RIN3: variants seen among roughly 807,000 people sequenced by gnomAD.
RIN3 encodes RAB5 interacting protein 3.
In RIN3, 54 loss-of-function variants were observed where a neutral mutation model predicts 76.3. That is an observed-to-expected ratio of 0.71 (90% CI 0.57 to 0.89). The LOEUF (loss-of-function observed/expected upper bound fraction) is 0.89. RIN3 is among the 40% of genes least tolerant of loss of function. The pLI is 0.00. For synonymous variants in RIN3, 576 were observed against 564.0 expected (o/e 1.02, Z -0.30); for missense variants, 1,256 against 1,322.1 (o/e 0.95, Z 0.78).
intron 4 of RIN3, among the ~76,000 whole-genome samples, chr14:92,624,147 A>G (rs1886273753): frequency 6.6e-6 from 1 of 152,096 alleles, no homozygotes; most frequent in Non-Finnish European, 1.5e-5. Context: ...GTTTCTTTGT[A>G]TCCTGTTTCA....
intron 3 of RIN3, among the ~76,000 whole-genome samples, chr14:92,580,056 C>T (rs1247375565): frequency 6.6e-6 from 1 of 152,254 alleles, no homozygotes; most frequent in East Asian, 1.9e-4. Flanking sequence ...GGTCTTTCCG[C>T]AGAGACCCAG....
At chr14:92,679,156 G>A (rs111633842) in intron 8 of RIN3, among the ~76,000 whole-genome samples, 220 of 152,338 alleles carry the variant, frequency 1.4e-3, no homozygotes, top group Non-Finnish European at 2.5e-3. Context: ...TCATAACGGC[G>A]CTAAACAGTT....
chr14:92,644,154 G>A (rs1431821344), intron 5 of RIN3, among the ~76,000 whole-genome samples: 1 of 152,216 alleles, frequency 6.6e-6, no homozygotes, highest in African/African-American at 2.4e-5. Context: ...TGCCTCTGAG[G>A]ACAGCCTTTC....
In RIN3 at chr14:92,594,985, C is replaced by T. The variant is rs144856393; in HGVS notation, c.367+17508C>T. 6.7e-3 allele frequency among the ~76,000 whole-genome samples: 1,027 copies of T among 152,266 alleles called. 12 individuals are homozygous for T. Among genetic ancestry groups the T allele is most frequent in the African/African-American group, 0.024 (990 of 41,554 alleles). On this transcript the variant is annotated intron_variant, in intron 3 of 9. Coordinates refer to ENST00000216487, the MANE Select transcript of RIN3 (RefSeq NM_024832.5). ...TTATATTGTTGTTATGAGGAACAGA[C>T]AAGAAAATATATGTGAACATACCTA... is the stretch of plus-strand genomic sequence containing the variant.
chr14:92,644,131 A>G (rs896431033), intron 5 of RIN3, among the ~76,000 whole-genome samples: 7 of 152,170 alleles, frequency 4.6e-5, no homozygotes, highest in Admixed American at 4.6e-4. Context: ...CAAGATTTGC[A>G]CTGAGGGCTT....
chr14:92,587,888 C>T (rs1048946733), intron 3 of RIN3, among the ~76,000 whole-genome samples: 1 of 152,016 alleles, frequency 6.6e-6, no homozygotes, highest in East Asian at 1.9e-4. Flanking sequence ...ATTTATTTCT[C>T]ACAATTTGCA....
At chr14:92,665,915 G>A (rs1363878890) in intron 7 of RIN3, among the ~76,000 whole-genome samples, 1 of 152,076 alleles carries the variant, frequency 6.6e-6, no homozygotes, top group Non-Finnish European at 1.5e-5. Flanking sequence ...AGGTGATCCG[G>A]GCAGCTGTGT....
chr14:92,662,150 C>T (rs1566893708), intron 7 of RIN3, among the ~76,000 whole-genome samples: 1 of 152,208 alleles, frequency 6.6e-6, no homozygotes, highest in Non-Finnish European at 1.5e-5. Context: ...GTTAAGACCC[C>T]CTCATGGCCT....
chr14:92,551,277 C>T (rs889290820), intron 1 of RIN3, among the ~76,000 whole-genome samples: 2 of 152,082 alleles, frequency 1.3e-5, no homozygotes, highest in South Asian at 4.1e-4. Context: ...TGTGGTTGTG[C>T]GTGTGGTTAA....
rs1886261058 is a variant in RIN3, at chr14:92,623,787, TAAGCTC to T, written c.440+8310_440+8315del. ...TGATTGGTAAGCTCTTGGAAAGACT[TAAGCTC>T]ACTGCATCCCTTTAGGTCCCCAAGA... On this transcript the variant is annotated intron_variant, in intron 4 of 9. Coordinates refer to ENST00000216487, the MANE Select transcript of RIN3 (RefSeq NM_024832.5). The surrounding 1 kb of genome is among the most constrained non-coding windows in gnomAD (Gnocchi z 4.9). Among the ~76,000 whole-genome samples, 1 of 152,232 alleles carries T rather than the reference TAAGCTC, an allele frequency of 6.6e-6. No homozygotes were observed.
At chr14:92,595,513 G>C (rs923017124) in intron 3 of RIN3, among the ~76,000 whole-genome samples, 3 of 151,384 alleles carry the variant, frequency 2.0e-5, no homozygotes, top group Non-Finnish European at 4.4e-5. Flanking sequence ...ACCTCTGAGC[G>C]CCTCTGAACC....
intron 7 of RIN3, among the ~76,000 whole-genome samples, chr14:92,672,562 C>A (rs1012925945): frequency 1.4e-4 from 21 of 152,188 alleles, no homozygotes; most frequent in African/African-American, 4.3e-4. Context: ...AAATCACAAG[C>A]CCTGGCAGGG....
chr14:92,621,235 CA>C (rs572318532), intron 4 of RIN3, among the ~76,000 whole-genome samples: 24 of 70,702 alleles, frequency 3.4e-4, no homozygotes, highest in Middle Eastern at 0.015. Context: ...GACTCCGTCT[CA>C]AAAAAAAAAA....
intron 2 of RIN3, among the ~76,000 whole-genome samples, chr14:92,572,877 C>CTTTTTTT (rs763771909): frequency 2.1e-4 from 21 of 100,088 alleles, no homozygotes; most frequent in African/African-American, 3.5e-4. Flanking sequence ...CTTTTTTTTG[C>CTTTTTTT]TTTTTTTTTT....
intron 7 of RIN3, among the ~76,000 whole-genome samples, chr14:92,663,998 T>G (rs1887979697): frequency 6.6e-6 from 1 of 152,166 alleles, no homozygotes; most frequent in African/African-American, 2.4e-5. Flanking sequence ...TCAAAGTTTA[T>G]GAATGAGCGT....
intron 6 of RIN3, among the ~76,000 whole-genome samples, chr14:92,657,852 G>GT (rs1887726805): frequency 1.3e-5 from 2 of 152,214 alleles, no homozygotes; most frequent in East Asian, 3.9e-4. Flanking sequence ...CCAGGCCTGA[G>GT]TGGCAGGGAA....
At chr14:92,535,669 CTTTTT>C (rs59009829) in intron 1 of RIN3, among the ~76,000 whole-genome samples, 31,307 of 94,156 alleles carry the variant, frequency 0.33, 4,849 homozygotes, top group Middle Eastern at 0.47. Context: ...CTGGAACAGA[CTTTTT>C]TTTTTTTTTT....
At chr14:92,521,960 C>T (rs1896608610) in intron 1 of RIN3, among the ~76,000 whole-genome samples, 1 of 151,926 alleles carries the variant, frequency 6.6e-6, no homozygotes, top group African/African-American at 2.4e-5. Flanking sequence ...TGCAGAGAAG[C>T]GTATTGCAGA....
chr14:92,574,630 C>T (rs1479143419), intron 2 of RIN3, among the ~76,000 whole-genome samples: 3 of 152,180 alleles, frequency 2.0e-5, no homozygotes, highest in Non-Finnish European at 2.9e-5. Context: ...GTTACCCTCA[C>T]TATCTGCCTA....
Sources: gnomAD v4.1 joint callset for allele counts (sites outside exome capture counted in the v4.1 genomes callset) on GRCh38, gnomAD v4.1.1 for gene constraint, Gnocchi (gnomAD v3.1) non-coding constraint, MANE v1.5 for transcripts, NCBI Gene and HGNC (gene_info 2026-07-23, HGNC 2026-07-21) for gene names.